Variants in AKAP19 observed in about 807,000 individuals in gnomAD.
The protein encoded by AKAP19 is A-kinase anchoring protein 19.
At chr2:189,923,452 G>A in the AKAP19 span, 7 of 1,613,924 alleles carry the variant, frequency 4.3e-6, no homozygotes, top group Non-Finnish European at 5.9e-6. Context: ...TCTTTTCGAA[G>A]TATGGCAAAA....
At chr2:190,097,668 A>G in the AKAP19 span, among the ~76,000 whole-genome samples, 1 of 152,088 alleles carries the variant, frequency 6.6e-6, no homozygotes, top group East Asian at 1.9e-4. Flanking sequence ...AACAATGTTC[A>G]CAGCATCTTC....
chr2:190,086,236 A>G, the AKAP19 span, among the ~76,000 whole-genome samples: 3 of 152,240 alleles, frequency 2.0e-5, no homozygotes, highest in African/African-American at 7.2e-5. Context: ...TGTACAATGT[A>G]ATGACAAAAC....
At chr2:190,002,204 T>C in the AKAP19 span, among the ~76,000 whole-genome samples, 1 of 152,238 alleles carries the variant, frequency 6.6e-6, no homozygotes, top group Non-Finnish European at 1.5e-5. Flanking sequence ...TCATGTGTCA[T>C]TGTTCAATTT....
At chr2:190,200,319 T>G in the AKAP19 span, 3 of 620,840 alleles carry the variant, frequency 4.8e-6, no homozygotes, top group Non-Finnish European at 8.6e-6. Context: ...AGTACTTCTA[T>G]GTTAACAGCA....
chr2:190,050,851 T>C, the AKAP19 span, among the ~76,000 whole-genome samples: 1 of 152,160 alleles, frequency 6.6e-6, no homozygotes, highest in Non-Finnish European at 1.5e-5. Flanking sequence ...CTGAACTGGA[T>C]GTAAGGAATT....
chr2:189,996,490 A>G, the AKAP19 span, among the ~76,000 whole-genome samples: 2 of 151,760 alleles, frequency 1.3e-5, no homozygotes, highest in African/African-American at 2.4e-5. Flanking sequence ...TTTTTCATTC[A>G]TATCCTGTAT....
the AKAP19 span, among the ~76,000 whole-genome samples, chr2:190,069,428 C>T: frequency 6.6e-6 from 1 of 152,040 alleles, no homozygotes; most frequent in East Asian, 1.9e-4. Flanking sequence ...AACCACTCCC[C>T]AAGAGAAAAA....
At chr2:189,892,420 T>A in the AKAP19 span, among the ~76,000 whole-genome samples, 1 of 152,166 alleles carries the variant, frequency 6.6e-6, no homozygotes, top group Non-Finnish European at 1.5e-5. Flanking sequence ...GCGGTTTCTG[T>A]GTAGACATCC....
the AKAP19 span, among the ~76,000 whole-genome samples, chr2:190,096,841 C>G: frequency 6.6e-6 from 1 of 152,118 alleles, no homozygotes; most frequent in Non-Finnish European, 1.5e-5. Context: ...TCTATGTCAT[C>G]TTCTCATGGC....
chr2:190,137,074 C>A, the AKAP19 span, among the ~76,000 whole-genome samples: 1 of 152,202 alleles, frequency 6.6e-6, no homozygotes, highest in East Asian at 1.9e-4. Context: ...CCTTTTATCA[C>A]ATTACTAGAA....
At chr2:190,003,152 T>G in the AKAP19 span, among the ~76,000 whole-genome samples, 1 of 152,168 alleles carries the variant, frequency 6.6e-6, no homozygotes, top group East Asian at 1.9e-4. Flanking sequence ...ATGTTGCTCT[T>G]GAATCTGGAA....
the AKAP19 span, among the ~76,000 whole-genome samples, chr2:190,053,840 A>G: frequency 6.6e-6 from 1 of 152,182 alleles, no homozygotes; most frequent in East Asian, 1.9e-4. Context: ...TGACATTTAT[A>G]TTAATTATAC....
At chr2:189,985,833 A>G in the AKAP19 span, among the ~76,000 whole-genome samples, 1 of 152,222 alleles carries the variant, frequency 6.6e-6, no homozygotes, top group Admixed American at 6.5e-5. Context: ...GTTATACAAC[A>G]ATAGAAAATG....
At chr2:190,023,795 G>GTGTGTA in the AKAP19 span, among the ~76,000 whole-genome samples, 86 of 142,818 alleles carry the variant, frequency 6.0e-4, 1 homozygote, top group African/African-American at 2.0e-3. Context: ...ATGTGTGTGT[G>GTGTGTA]TATATATATA....
chr2:189,927,357 G>GT, the AKAP19 span, among the ~76,000 whole-genome samples: 35 of 152,224 alleles, frequency 2.3e-4, no homozygotes, highest in African/African-American at 4.6e-4. Context: ...GTATAGAGGA[G>GT]TTTTTTTAAA....
chr2:189,958,423 G>A, the AKAP19 span, among the ~76,000 whole-genome samples: 12 of 151,196 alleles, frequency 7.9e-5, no homozygotes, highest in East Asian at 5.8e-4. Context: ...GCTGATGAGC[G>A]TATAAATTGG....
chr2:190,148,018 C>G, the AKAP19 span, among the ~76,000 whole-genome samples: 1 of 152,146 alleles, frequency 6.6e-6, no homozygotes, highest in South Asian at 2.1e-4. Context: ...TGTCTGATTG[C>G]TCTGGCTAGG....
At chr2:190,185,813 T>A in the AKAP19 span, among the ~76,000 whole-genome samples, 475 of 152,342 alleles carry the variant, frequency 3.1e-3, 1 homozygote, top group African/African-American at 0.011. Context: ...TCCTCAATTA[T>A]AATCTGGAGA....
At chr2:190,184,808 GATGGGA>G in the AKAP19 span, among the ~76,000 whole-genome samples, 2 of 151,474 alleles carry the variant, frequency 1.3e-5, no homozygotes, top group South Asian at 4.1e-4. Context: ...AGACTCACTT[GATGGGA>G]GAGGAAATTT....
Sources: allele counts gnomAD v4.1 joint callset (sites outside exome capture counted in the v4.1 genomes callset), GRCh38; gene constraint gnomAD v4.1.1; transcripts MANE v1.5; gene names NCBI Gene and HGNC (gene_info 2026-07-23, HGNC 2026-07-21).